CDC5L: variants seen among roughly 807,000 people sequenced by gnomAD.
The protein encoded by CDC5L is cell division cycle 5 like.
Under a neutral mutation model 104.1 loss-of-function variants are expected in CDC5L, and 18 were observed. The ratio of observed to expected loss-of-function variants is 0.17; its 90% CI spans 0.12 to 0.26. CDC5L has a LOEUF of 0.26. Among genes scored for constraint, CDC5L ranks in the 10% least tolerant of loss-of-function variants. CDC5L has a pLI of 1.00. For missense variants in CDC5L, 673 were observed against 956.9 expected, an observed-to-expected ratio of 0.70 and a Z score of 3.91; for synonymous variants, 331 against 322.7, an observed-to-expected ratio of 1.03 and a Z score of -0.28.
chr6:44,422,771 A>G lies in CDC5L; in HGVS notation c.1366A>G (p.Met456Val), dbSNP rs571743027. The change falls in exon 10 of 16, where the codon ATG becomes GTG. Residue 456 changes from methionine to valine, a missense_variant. Around this residue, in one of 4 missense-constraint regions of CDC5L, gnomAD observed 578 missense variants for 737.0 expected, o/e 0.78. Transcript: ENST00000371477. ...GTTAAACATTAATCCCGAGGATGGAATGGCAGACTATAGTGATCCCTCTTA... is the reference window on the plus strand; with the variant it reads ...GTTAAACATTAATCCCGAGGATGGAGTGGCAGACTATAGTGATCCCTCTTA... ...DKLNINPEDG[M>V]ADYSDPSYVK... 1 of 1,612,820 alleles carries G rather than the reference A, an allele frequency of 6.2e-7. No individual in the cohort carries two copies. Among genetic ancestry groups the G allele is most frequent in the Non-Finnish European group, 8.5e-7 (1 of 1,179,150 alleles).
chr6:44,438,597 A>G, intron 14 of CDC5L, among the ~76,000 whole-genome samples: 1 of 151,598 alleles, frequency 6.6e-6, no homozygotes, highest in East Asian at 1.9e-4. Flanking sequence ...GAAGTGGAAG[A>G]GAGTGAGTAC....
chr6:44,412,525 A>AC (rs1791692834), intron 8 of CDC5L, among the ~76,000 whole-genome samples: 1 of 146,228 alleles, frequency 6.8e-6, no homozygotes, highest in African/African-American at 2.5e-5. Flanking sequence ...ACTGCACCTG[A>AC]CCCCCCACTT....
Position 44,426,165 on chromosome 6 carries a change from T to A in CDC5L, c.1632T>A (p.Asp544Glu). ...MKRMHKAVQK[D>E]LPRPSEVNET... ...GAATGCATAAAGCTGTCCAGAAAGATCTGCCAAGACCATCAGAAGTAAGTG... is the reference window on the plus strand; with the variant it reads ...GAATGCATAAAGCTGTCCAGAAAGAACTGCCAAGACCATCAGAAGTAAGTG... The change falls in exon 12 of 16, where the codon GAT (aspartate) becomes GAA (glutamate). Residue 544 changes from aspartate to glutamate, a missense_variant. Coordinates refer to ENST00000371477, the MANE Select transcript of CDC5L (RefSeq NM_001253.4). 1 of 1,607,930 alleles carries A rather than the reference T, an allele frequency of 6.2e-7. No individual in the cohort carries two copies. Among genetic ancestry groups the A allele is most frequent in the Non-Finnish European group, 8.5e-7 (1 of 1,176,228 alleles).
Position 44,448,442 on chromosome 6 carries a change from A to T in CDC5L, c.*1731A>T, listed in dbSNP as rs1010191378. The T allele has an allele frequency of 1.3e-5, 2 of 152,206 alleles. No homozygotes were observed. The highest frequency in any genetic ancestry group is 2.9e-5 in the Non-Finnish European group (2 of 68,034). The allele number at this position is 152,206 out of a possible 1,614,324, so 9.4% of individuals were successfully genotyped here. On this transcript the variant is annotated 3_prime_UTR_variant, in exon 16 of 16. Coordinates refer to ENST00000371477, the MANE Select transcript of CDC5L (RefSeq NM_001253.4). ...TGTGTAAAATCTCACCAGGCTGGAG[A>T]TAGGGAAGCCAGTCCAATTAGGAGC...
chr6:44,402,271 A>G (rs1448726385), intron 5 of CDC5L, among the ~76,000 whole-genome samples: 9 of 151,406 alleles, frequency 5.9e-5, no homozygotes, highest in South Asian at 4.2e-4. Context: ...AGTCCCACCA[A>G]CAGTGTAAAA....
At chr6:44,424,623 T>C in intron 11 of CDC5L, 40 bp downstream of exon 11, 1 of 1,599,030 alleles carries the variant, frequency 6.3e-7, no homozygotes, top group Non-Finnish European at 8.6e-7. Flanking sequence ...TTTGGCTGAA[T>C]GTGTCAGTAG....
intron 14 of CDC5L, among the ~76,000 whole-genome samples, chr6:44,443,955 T>C (rs1418459030): frequency 2.0e-5 from 3 of 152,146 alleles, no homozygotes; most frequent in African/African-American, 4.8e-5. Flanking sequence ...TCAGTCTTCT[T>C]AGCCTTGTGT....
chr6:44,401,232 C>T (rs1238944057), intron 5 of CDC5L, among the ~76,000 whole-genome samples: 1 of 152,176 alleles, frequency 6.6e-6, no homozygotes, highest in Admixed American at 6.5e-5. Flanking sequence ...CAAGTGACAG[C>T]CCTACTTTAT....
chr6:44,411,941 G>A (rs762483713), intron 8 of CDC5L, among the ~76,000 whole-genome samples: 5 of 152,222 alleles, frequency 3.3e-5, no homozygotes, highest in Non-Finnish European at 7.4e-5. Context: ...AAGCCTGTTC[G>A]GACAGACTGG....
rs1380154070 is a variant in CDC5L, at chr6:44,387,813, C to T, written c.-11C>T. 1.9e-6 allele frequency: 3 copies of T among 1,561,420 alleles called. No individual in the cohort carries two copies. The highest frequency in any genetic ancestry group is 4.8e-5 in the East Asian group (2 of 41,806). Reference sequence around the variant, plus strand: ...CCTCTCGGCTGCTTGCCGAGACACCCTGCCGCCAAGATGCCTCGAATTATG... The same window carrying T: ...CCTCTCGGCTGCTTGCCGAGACACCTTGCCGCCAAGATGCCTCGAATTATG... On this transcript the variant is annotated 5_prime_UTR_variant, in exon 1 of 16. Coordinates refer to ENST00000371477, the MANE Select transcript of CDC5L (RefSeq NM_001253.4).
chr6:44,437,891 T>C (rs1793006539), intron 14 of CDC5L, among the ~76,000 whole-genome samples: 2 of 152,222 alleles, frequency 1.3e-5, no homozygotes, highest in Non-Finnish European at 2.9e-5. Flanking sequence ...TTTTGGAATG[T>C]GTGTTTGAAT....
chr6:44,412,591 TA>T (rs1217997997), intron 8 of CDC5L, among the ~76,000 whole-genome samples: 4 of 112,658 alleles, frequency 3.6e-5, no homozygotes, highest in Non-Finnish European at 6.2e-5. Context: ...CACTTGAAAT[TA>T]AAAAAAATAG....
rs1293064224 is a variant in CDC5L at position 44,447,781 on chromosome 6, A to G, written c.*1070A>G. ...AGAATGACAGACAATTAAAATCCAAATGTTTATTTGGTGATTCTTATGTGT... is the reference window on the plus strand; with the variant it reads ...AGAATGACAGACAATTAAAATCCAAGTGTTTATTTGGTGATTCTTATGTGT... On this transcript the variant is annotated 3_prime_UTR_variant, in exon 16 of 16. Coordinates refer to ENST00000371477, the MANE Select transcript of CDC5L (RefSeq NM_001253.4). 2.6e-5 allele frequency: 4 copies of G among 152,138 alleles called. No homozygotes were observed. The East Asian group carries it at 7.7e-4, about 29-fold the overall frequency. 9.4% of individuals were successfully genotyped at this position (152,138 alleles called of 1,614,324 possible).
chr6:44,429,752 C>A lies in CDC5L; in HGVS notation c.1933C>A (p.Gln645Lys). The A allele has an allele frequency of 6.2e-7, 1 of 1,614,006 alleles. No homozygotes were observed. The highest frequency in any genetic ancestry group is 8.5e-7 in the Non-Finnish European group (1 of 1,179,936). Residue 645 changes from glutamine (Q) to lysine (K), a missense_variant, in exon 14 of 16, where the codon CAA (glutamine) becomes AAA (lysine). This residue lies in a region of CDC5L where 578 missense variants were observed against 737.0 expected (regional missense o/e 0.78). Transcript: ENST00000371477. ...VLVQEMEVVK[Q>K]GMSHGELSSE... ...GGTGCAGGAGATGGAAGTGGTTAAACAAGGAATGAGCCATGGAGAGCTCTC... is the reference window on the plus strand; with the variant it reads ...GGTGCAGGAGATGGAAGTGGTTAAAAAAGGAATGAGCCATGGAGAGCTCTC...
At chr6:44,415,134 A>G (rs972528169) in intron 8 of CDC5L, among the ~76,000 whole-genome samples, 6 of 152,204 alleles carry the variant, frequency 3.9e-5, no homozygotes, top group Non-Finnish European at 5.9e-5. Flanking sequence ...TCATTGATCT[A>G]TTATCTATCC....
chr6:44,408,726 T>G (rs1181591091), intron 8 of CDC5L, 94 bp downstream of exon 8: 4 of 895,884 alleles, frequency 4.5e-6, no homozygotes, highest in East Asian at 2.7e-5. Context: ...TGTGTTTCTT[T>G]TAGTGTAAAT....
At chr6:44,392,541 T>C (rs1790670130) in intron 2 of CDC5L, 126 bp from the exon 3 acceptor site, 4 of 756,522 alleles carry the variant, frequency 5.3e-6, no homozygotes, top group African/African-American at 1.8e-5. Flanking sequence ...ACAGCAAATA[T>C]TCTGTTGTCA....
intron 5 of CDC5L, among the ~76,000 whole-genome samples, chr6:44,399,474 T>TA (rs1791020139): frequency 6.6e-6 from 1 of 152,202 alleles, no homozygotes; most frequent in South Asian, 2.1e-4. Flanking sequence ...CTGTTCTGCT[T>TA]ATGTTGGTGT....
intron 9 of CDC5L, among the ~76,000 whole-genome samples, chr6:44,422,027 AG>A (rs1792207257): frequency 6.6e-6 from 1 of 152,178 alleles, no homozygotes; most frequent in Non-Finnish European, 1.5e-5. Flanking sequence ...ATAGGCAACC[AG>A]GAAAAAAAAA....
Sources: gnomAD v4.1 joint callset for allele counts (sites outside exome capture counted in the v4.1 genomes callset) on GRCh38, gnomAD v4.1.1 for gene constraint, gnomAD v4.1.1 regional missense constraint, MANE v1.5 for transcripts, NCBI Gene and HGNC (gene_info 2026-07-23, HGNC 2026-07-21) for gene names.